The following NUP210L variants were observed in gnomAD, a reference collection of about 807,000 sequenced individuals.
NUP210L encodes the protein nuclear pore membrane glycoprotein 210-like.
In NUP210L, 74 loss-of-function variants were observed where a neutral mutation model predicts 208.5. The observed-to-expected ratio is 0.35, with a 90% CI of 0.29 to 0.43. The LOEUF (loss-of-function observed/expected upper bound fraction) is 0.43, where lower values mean the gene tolerates loss of function less well. Among genes scored for constraint, NUP210L ranks in the 20% least tolerant of loss-of-function variants. The probability of loss-of-function intolerance (pLI) is 1.00; values close to 1 mark genes in which losing one functional copy is unlikely to be tolerated. For missense variants in NUP210L, 1,843 were observed against 2,289.4 expected (o/e 0.81, Z 3.98); for synonymous variants, 780 against 816.9 (o/e 0.95, Z 0.77).
exon 11 of NUP210L, chr1:154,118,781 G>C (rs1267354980): frequency 1.3e-6 from 2 of 1,585,948 alleles, no homozygotes; most frequent in South Asian, 2.2e-5. Context: ...TGTTTGATTA[G>C]AAATTTTATA....
intron 16 of NUP210L, among the ~76,000 whole-genome samples, chr1:154,073,376 A>T (rs1049953499): frequency 6.6e-6 from 1 of 152,068 alleles, no homozygotes; most frequent in African/African-American, 2.4e-5. Context: ...AATAAAAAAG[A>T]TTAGTCACAT....
intron 2 of NUP210L, among the ~76,000 whole-genome samples, chr1:154,147,378 A>G (rs1257250026): frequency 6.6e-6 from 1 of 151,472 alleles, no homozygotes; most frequent in Non-Finnish European, 1.5e-5. Flanking sequence ...CCTTTAAACA[A>G]GGTCTCTGGA....
chr1:154,144,842 G>A (rs759379064), intron 2 of NUP210L, among the ~76,000 whole-genome samples: 2 of 152,200 alleles, frequency 1.3e-5, no homozygotes, highest in African/African-American at 2.4e-5. Flanking sequence ...AGTGGCTCAC[G>A]CCTCTAATCC....
rs963325655 is a variant in NUP210L at position 154,076,738 on chromosome 1, G to A, written c.2362-6273C>T. On this transcript the variant is annotated intron_variant, in intron 16 of 39. Coordinates refer to ENST00000368559, the Ensembl canonical transcript of NUP210L. The stretch of plus-strand genomic sequence containing the variant: ...AGAGACCTGTGGGACACCATCATAC[G>A]TACCAGTATATGCAAAAACGGAGTG... 2.6e-5 allele frequency among the ~76,000 whole-genome samples: 4 copies of A among 152,116 alleles called. No homozygotes were observed. In the East Asian group the frequency reaches 5.8e-4, roughly 22 times the overall value.
intron 12 of NUP210L, among the ~76,000 whole-genome samples, chr1:154,111,318 G>A (rs1013591604): frequency 1.3e-5 from 2 of 151,400 alleles, no homozygotes; most frequent in African/African-American, 4.9e-5. Context: ...AGGAGGCAGA[G>A]GTTGCAATGA....
intron 35 of NUP210L, 35 bp downstream of exon 35, chr1:154,009,937 G>A: frequency 6.4e-7 from 1 of 1,553,718 alleles, no homozygotes; most frequent in Non-Finnish European, 8.8e-7. Flanking sequence ...TAGATAAACA[G>A]AATGGGGAAA....
At chr1:154,068,182 T>C (rs765625258) in intron 17 of NUP210L, among the ~76,000 whole-genome samples, 1 of 152,154 alleles carries the variant, frequency 6.6e-6, no homozygotes, top group Non-Finnish European at 1.5e-5. Context: ...GACTTCCAAC[T>C]ATATTACAAG....
chr1:154,118,574 T>C (rs111843067), intron 11 of NUP210L, 97 bp downstream of exon 11: 9 of 907,846 alleles, frequency 9.9e-6, no homozygotes, highest in East Asian at 2.8e-5. Context: ...ACTTTTAGGA[T>C]TGGGAGGAAA....
At chr1:154,101,204 G>A (rs1203749849) in intron 13 of NUP210L, among the ~76,000 whole-genome samples, 1 of 150,894 alleles carries the variant, frequency 6.6e-6, no homozygotes, top group East Asian at 2.0e-4. Flanking sequence ...TTTGGCTGGG[G>A]GCGGTGGCTC....
intron 7 of NUP210L, among the ~76,000 whole-genome samples, chr1:154,130,576 A>ATTTTTTTTTTTTTT (rs765115829): frequency 1.0e-5 from 1 of 98,942 alleles, no homozygotes; most frequent in Non-Finnish European, 2.0e-5. Flanking sequence ...CCTGGCCCCA[A>ATTTTTTTTTTTTTT]TTTTTTTTTT....
intron 37 of NUP210L, among the ~76,000 whole-genome samples, chr1:153,997,508 C>T (rs1649963736): frequency 6.8e-6 from 1 of 146,196 alleles, no homozygotes; most frequent in Non-Finnish European, 1.5e-5. Context: ...TTCTTTCTCA[C>T]TCAGGCTGCA....
intron 12 of NUP210L, 99 bp from the exon 13 acceptor site, chr1:154,104,309 C>T (rs1397944966): frequency 7.8e-6 from 7 of 892,144 alleles, no homozygotes; most frequent in Non-Finnish European, 1.3e-5. Context: ...CAGTGATTGT[C>T]CTCCCTGCAG....
At chr1:154,077,575 A>C (rs1655105995) in intron 16 of NUP210L, among the ~76,000 whole-genome samples, 1 of 152,190 alleles carries the variant, frequency 6.6e-6, no homozygotes, top group South Asian at 2.1e-4. Context: ...TCACTAGACA[A>C]TAGCTTGAAT....
At chr1:153,995,712 T>A in intron 37 of NUP210L, 1 of 959,534 alleles carries the variant, frequency 1.0e-6, no homozygotes, top group South Asian at 1.3e-5. Context: ...AAACCCTTGG[T>A]AATAGAATTG....
At chr1:154,076,031 C>T (rs753252996) in intron 16 of NUP210L, among the ~76,000 whole-genome samples, 5 of 151,862 alleles carry the variant, frequency 3.3e-5, no homozygotes, top group Admixed American at 1.3e-4. Flanking sequence ...TCAAAGGATC[C>T]GTCCACCTCA....
rs994950865 is a variant in NUP210L at position 154,019,128 on chromosome 1, T to G, written c.4517-59A>C. The G allele has an allele frequency of 3.9e-6, 6 of 1,555,346 alleles. No individual in the cohort carries two copies. The African/African-American group carries it at 8.2e-5, about 21-fold the overall frequency. On this transcript the variant is annotated intron_variant, in intron 32 of 39. Transcript: ENST00000368559. ...GCCTTTGATATAAATCACTCTGGAC[T>G]TATTCATACTCCAAATCAGTAAATT... is the stretch of plus-strand genomic sequence containing the variant.
intron 7 of NUP210L, among the ~76,000 whole-genome samples, chr1:154,134,257 G>T (rs1182750109): frequency 6.6e-6 from 1 of 151,552 alleles, no homozygotes; most frequent in Non-Finnish European, 1.5e-5. Context: ...GCATATAGTA[G>T]AAATATAATA....
intron 37 of NUP210L, 24 bp downstream of exon 37, chr1:154,000,832 T>C: frequency 6.3e-7 from 1 of 1,591,044 alleles, no homozygotes; most frequent in South Asian, 1.1e-5. Context: ...CTCTAGATTA[T>C]AAATAGGAAT....
intron 16 of NUP210L, among the ~76,000 whole-genome samples, chr1:154,088,005 AT>A (rs1319484292): frequency 6.6e-6 from 1 of 152,186 alleles, no homozygotes; most frequent in African/African-American, 2.4e-5. Flanking sequence ...CTGAAGTTAG[AT>A]AGCACCGATG....
Sources: gnomAD v4.1 joint callset for allele counts (sites outside exome capture counted in the v4.1 genomes callset) on GRCh38, gnomAD v4.1.1 for gene constraint, MANE v1.5 for transcripts, NCBI Gene and HGNC (gene_info 2026-07-23, HGNC 2026-07-21) for gene names.